NADSYN1: variants seen among roughly 807,000 people sequenced by gnomAD.
The protein encoded by NADSYN1 is NAD synthetase 1, also known as glutamine-dependent NAD(+) synthetase.
NADSYN1 carries 80 observed loss-of-function variants against 99.3 expected under a neutral mutation model. That is an observed-to-expected ratio of 0.81 (90% CI 0.67 to 0.97). NADSYN1 has a LOEUF of 0.97. Among genes scored for constraint, NADSYN1 ranks in the 50% least tolerant of loss-of-function variants. The pLI is 0.00. For synonymous variants in NADSYN1, 385 were observed against 372.1 expected, an observed-to-expected ratio of 1.03 and a Z score of -0.40; for missense variants, 859 against 948.5, an observed-to-expected ratio of 0.91 and a Z score of 1.24.
chr11:71,455,265 C>T (rs1006628072), intron 2 of NADSYN1, 95 bp downstream of exon 2: 5 of 1,124,742 alleles, frequency 4.4e-6, no homozygotes, highest in Non-Finnish European at 6.6e-6. Flanking sequence ...AGGGACAGTC[C>T]TGAGAGCTGT....
In NADSYN1 at chr11:71,495,741, C is replaced by A. The variant is rs568280639; in HGVS notation, c.1765-1742C>A. Among the ~76,000 whole-genome samples the A allele has an allele frequency of 8.3e-4, 127 of 152,330 alleles. No individual in the cohort carries two copies. The Middle Eastern group carries it at 0.017, about 20-fold the overall frequency. On this transcript the variant is annotated intron_variant, in intron 18 of 20. Transcript: ENST00000319023. ...GCGCAACCCGTCAGGTGCTGGGGAC[C>A]CTGTGGTGAGCAACACAGACGTGGC...
intron 19 of NADSYN1, 110 bp downstream of exon 19, chr11:71,497,721 A>G: frequency 7.4e-7 from 1 of 1,353,928 alleles, no homozygotes; most frequent in Non-Finnish European, 1.0e-6. Flanking sequence ...CCCTAACGTA[A>G]TAAAACTGTA....
chr11:71,489,039 A>G (rs1949762151), intron 16 of NADSYN1, among the ~76,000 whole-genome samples: 1 of 151,728 alleles, frequency 6.6e-6, no homozygotes, highest in South Asian at 2.1e-4. Context: ...AGGCAGGCCC[A>G]GGAGAAGGTT....
chr11:71,464,254 C>A, intron 5 of NADSYN1, 112 bp downstream of exon 5: 3 of 811,172 alleles, frequency 3.7e-6, no homozygotes, highest in Admixed American at 2.7e-5. Context: ...AGGTTTTTGA[C>A]ATTTTGAACA....
chr11:71,475,920 C>T (rs1949662444), intron 9 of NADSYN1: 1 of 425,804 alleles, frequency 2.3e-6, no homozygotes. Flanking sequence ...CACTGTGTTG[C>T]CCCGGCTGGT....
In NADSYN1 at chr11:71,473,700, C is replaced by T; in HGVS notation, c.666+14C>T. ...GTCACCAGCAAGGTAGGGGCTGGGC[C>T]AGGGAGCGTGCGCCACAGGGCAGAC... On this transcript the variant is annotated intron_variant, in intron 8 of 20. Coordinates refer to ENST00000319023, the MANE Select transcript of NADSYN1 (RefSeq NM_018161.5). 1.3e-6 allele frequency: 2 copies of T among 1,582,086 alleles called. No individual in the cohort carries two copies. The highest frequency in any genetic ancestry group is 1.7e-6 in the Non-Finnish European group (2 of 1,152,446).
At position 71,461,663 on chromosome 11, in the gene NADSYN1, G is replaced by C. The variant is rs564045166; in HGVS notation, c.264-1769G>C. Reference sequence around the variant, plus strand: ...AAGCTGGTCTTGAACTCCTGACCTTGTGATCCGCCTGCCTCAGCCTCCCAA... The same window carrying C: ...AAGCTGGTCTTGAACTCCTGACCTTCTGATCCGCCTGCCTCAGCCTCCCAA... On this transcript the variant is annotated intron_variant, in intron 3 of 20. Transcript: ENST00000319023. Among the ~76,000 whole-genome samples, 13 of 152,292 alleles carry C rather than the reference G, an allele frequency of 8.5e-5. No individual in the cohort carries two copies. In the South Asian group the frequency reaches 2.7e-3, roughly 32 times the overall value.
chr11:71,472,059 C>T (rs559898405), intron 5 of NADSYN1, among the ~76,000 whole-genome samples: 50 of 152,242 alleles, frequency 3.3e-4, no homozygotes, highest in African/African-American at 1.0e-3. Flanking sequence ...CATTGTGTTT[C>T]GGGTTAATGC....
At chr11:71,476,227 A>G in intron 9 of NADSYN1, 1 of 396,044 alleles carries the variant, frequency 2.5e-6, no homozygotes, top group South Asian at 1.8e-5. Context: ...TTTGGACCCG[A>G]CGGCCTTCCA....
At chr11:71,464,683 C>G (rs557336098) in intron 5 of NADSYN1, among the ~76,000 whole-genome samples, 10 of 152,010 alleles carry the variant, frequency 6.6e-5, no homozygotes, top group Admixed American at 6.5e-4. Flanking sequence ...CTGGCTAACA[C>G]GGTGAAACCC....
rs1325609695 is a variant in NADSYN1 at position 71,455,170 on chromosome 11, G to T, written c.146G>T (p.Cys49Phe). 2 of 1,613,386 alleles carry T rather than the reference G, an allele frequency of 1.2e-6. No homozygotes were observed. Residue 49 changes from cysteine (C) to phenylalanine (F), a missense_variant and splice_region_variant, in exon 2 of 21, where the codon TGC becomes TTC. By Grantham distance (205) the Cys-to-Phe change is radical. Transcript: ENST00000319023. Reference protein sequence around the residue: ...RYRLGPELEICGYGCWDHYYE... With the variant: ...RYRLGPELEIFGYGCWDHYYE... ...AGGCTTGGACCAGAGCTGGAAATAT[G>T]GTGAGAACAGACACAGACACCCTGG...
chr11:71,459,164 G>T, intron 3 of NADSYN1: 1 of 161,826 alleles, frequency 6.2e-6, no homozygotes, highest in South Asian at 1.5e-4. Context: ...GCTGTACCCT[G>T]CATAGCCAGT....
At chr11:71,453,464 ACAGCCTTG>A (rs2120378227) in intron 1 of NADSYN1, 83 bp downstream of exon 1, 1 of 1,298,034 alleles carries the variant, frequency 7.7e-7, no homozygotes, top group East Asian at 2.5e-5. Context: ...TGGCGTGCTC[ACAGCCTTG>A]CCCTGGGAAA....
At chr11:71,472,749 T>A (rs1025572073) in intron 6 of NADSYN1, among the ~76,000 whole-genome samples, 1 of 152,200 alleles carries the variant, frequency 6.6e-6, no homozygotes, top group African/African-American at 2.4e-5. Flanking sequence ...ACTGGCTTCC[T>A]CCTCTTCATT....
chr11:71,454,322 C>T (rs1013221377), intron 1 of NADSYN1, among the ~76,000 whole-genome samples: 1 of 152,212 alleles, frequency 6.6e-6, no homozygotes, highest in South Asian at 2.1e-4. Context: ...AGCGATTCTC[C>T]TGCCTCAGCC....
chr11:71,476,299 G>A lies in NADSYN1; in HGVS notation c.798+1773G>A, dbSNP rs114393169. On this transcript the variant is annotated intron_variant, in intron 9 of 20. Coordinates refer to ENST00000319023, the MANE Select transcript of NADSYN1 (RefSeq NM_018161.5). ...ATTCACCGAGGCAGGCGGTAGCACC[G>A]GAGGCGAGTTCTGCAGCTGGCTTTG... is the stretch of plus-strand genomic sequence containing the variant. 858 of 356,910 alleles carry A rather than the reference G, an allele frequency of 2.4e-3. 6 individuals are homozygous for A. Among genetic ancestry groups the A allele is most frequent in the African/African-American group, 0.016 (762 of 46,912 alleles). 22.1% of individuals were successfully genotyped at this position (356,910 alleles called of 1,614,324 possible). A position where few individuals can be genotyped will look rare whatever the true frequency, so the allele number is the denominator to read the frequency against.
intron 5 of NADSYN1, chr11:71,466,813 T>A (rs1370375636): frequency 6.6e-6 from 1 of 152,226 alleles, no homozygotes; most frequent in African/African-American, 2.4e-5. Context: ...TTTTCAAATG[T>A]GCACCACTGA....
rs1175542637 is a variant in NADSYN1 at position 71,478,379 on chromosome 11, A to T, written c.799-16A>T. ...AACGGGAAATCACGGGTTCTCTTTG[A>T]AATTTCCTTCTCCAGGAAGTCCTGA... is the stretch of plus-strand genomic sequence containing the variant. On this transcript the variant is annotated splice_polypyrimidine_tract_variant and intron_variant, in intron 9 of 20. Transcript: ENST00000319023. The T allele has an allele frequency of 1.3e-6, 2 of 1,587,184 alleles. No individual in the cohort carries two copies. Among genetic ancestry groups the T allele is most frequent in the Non-Finnish European group, 1.7e-6 (2 of 1,165,250 alleles).
intron 18 of NADSYN1, among the ~76,000 whole-genome samples, chr11:71,492,752 T>C (rs1949791136): frequency 6.6e-6 from 1 of 152,184 alleles, no homozygotes; most frequent in Admixed American, 6.5e-5. Context: ...AAAAAAGCTT[T>C]TGCGTTTTGA....
Sources: gnomAD v4.1 joint callset for allele counts (sites outside exome capture counted in the v4.1 genomes callset) on GRCh38, gnomAD v4.1.1 for gene constraint, MANE v1.5 for transcripts, NCBI Gene and HGNC (gene_info 2026-07-23, HGNC 2026-07-21) for gene names.